Variants in MYO1D observed in about 807,000 individuals in gnomAD.
MYO1D encodes the protein myosin ID.
In MYO1D, 83 loss-of-function variants were observed where a neutral mutation model predicts 122.0. The observed-to-expected ratio is 0.68, with a 90% confidence interval of 0.57 to 0.82. The LOEUF (loss-of-function observed/expected upper bound fraction) is 0.82. MYO1D is among the 40% of genes least tolerant of loss of function. The pLI is 0.00. For synonymous variants in MYO1D, 464 were observed against 446.9 expected (o/e 1.04, Z -0.48); for missense variants, 1,157 against 1,269.5 (o/e 0.91, Z 1.35).
chr17:32,743,473 C>T (rs2089795194), intron 13 of MYO1D, among the ~76,000 whole-genome samples: 1 of 152,066 alleles, frequency 6.6e-6, no homozygotes, highest in South Asian at 2.1e-4. Context: ...CTTTGATTTC[C>T]GTCTTCCTCT....
At chr17:32,852,267 G>T (rs772385977) in intron 1 of MYO1D, among the ~76,000 whole-genome samples, 1 of 151,998 alleles carries the variant, frequency 6.6e-6, no homozygotes, top group Non-Finnish European at 1.5e-5. Context: ...CTGGGACTAC[G>T]GGCACATGCT....
intron 1 of MYO1D, among the ~76,000 whole-genome samples, chr17:32,867,701 G>A (rs1276569937): frequency 1.3e-5 from 2 of 150,628 alleles, no homozygotes; most frequent in Admixed American, 6.6e-5. Context: ...GGAGGCTGAG[G>A]TAGGAGAACT....
Position 32,638,653 on chromosome 17 carries a change from T to C in MYO1D, c.2709+69A>G, listed in dbSNP as rs192327722. ...CCCAAAGATTCTAGAACTCAGTCTA[T>C]TGACCCATTAGTGGTCCATGAGCAC... On this transcript the variant is annotated intron_variant, in intron 20 of 21. Coordinates refer to ENST00000318217, the MANE Select transcript of MYO1D (RefSeq NM_015194.3). 163 of 1,022,004 alleles carry C rather than the reference T, an allele frequency of 1.6e-4. 1 individual carries two copies. In the Admixed American group the frequency reaches 2.8e-3, roughly 18 times the overall value. The allele number at this position is 1,022,004 out of a possible 1,614,324, so 63.3% of individuals were successfully genotyped here. A position where few individuals can be genotyped will look rare whatever the true frequency, so the allele number is the denominator to read the frequency against.
intron 16 of MYO1D, among the ~76,000 whole-genome samples, chr17:32,660,771 C>T (rs1205258366): frequency 1.3e-5 from 2 of 152,196 alleles, no homozygotes; most frequent in East Asian, 1.9e-4. Context: ...GTCAAAATGG[C>T]TCCCTTCCTT....
chr17:32,676,021 A>T (rs555276414), intron 16 of MYO1D, among the ~76,000 whole-genome samples: 2 of 152,138 alleles, frequency 1.3e-5, no homozygotes, highest in African/African-American at 4.8e-5. Flanking sequence ...CAGTTAACCA[A>T]TCCCCTATTG....
intron 15 of MYO1D, among the ~76,000 whole-genome samples, chr17:32,713,086 A>G (rs2089399103): frequency 6.6e-6 from 1 of 152,206 alleles, no homozygotes. Context: ...TTCTTATATT[A>G]CATCTAAATT....
chr17:32,821,215 T>C (rs1011210858), intron 1 of MYO1D, among the ~76,000 whole-genome samples: 9 of 152,182 alleles, frequency 5.9e-5, no homozygotes, highest in African/African-American at 2.2e-4. Context: ...TCATTCTTTT[T>C]TATGACTGGA....
intron 20 of MYO1D, among the ~76,000 whole-genome samples, chr17:32,615,229 G>T (rs2087756224): frequency 1.3e-5 from 2 of 152,204 alleles, no homozygotes; most frequent in South Asian, 4.1e-4. Flanking sequence ...GAAAGGTTCT[G>T]AGAGACTGTT....
intron 16 of MYO1D, among the ~76,000 whole-genome samples, chr17:32,690,186 T>C (rs996995906): frequency 7.1e-6 from 1 of 140,436 alleles, no homozygotes; most frequent in African/African-American, 2.6e-5. Flanking sequence ...AGTGTTTATC[T>C]TTTTTTTTTT....
intron 1 of MYO1D, among the ~76,000 whole-genome samples, chr17:32,850,214 A>G (rs1467227795): frequency 6.6e-6 from 1 of 152,204 alleles, no homozygotes; most frequent in African/African-American, 2.4e-5. Context: ...ATCCTTTAAA[A>G]CTGATGTCAC....
At chr17:32,692,696 G>A (rs964031535) in intron 16 of MYO1D, among the ~76,000 whole-genome samples, 23 of 152,156 alleles carry the variant, frequency 1.5e-4, no homozygotes, top group African/African-American at 5.6e-4. Flanking sequence ...GGACAGCCGG[G>A]CAACAGGGGC....
chr17:32,766,802 C>CAAAACAAAAAA (rs61293953), intron 7 of MYO1D, among the ~76,000 whole-genome samples: 137,705 of 150,254 alleles, frequency 0.92, 63,289 homozygotes, highest in African/African-American at 0.96. Context: ...AAAAAGAAAA[C>CAAAACAAAAAA]AAAACAACAA....
intron 4 of MYO1D, 95 bp from the exon 5 acceptor site, chr17:32,772,937 C>T: frequency 1.1e-6 from 1 of 919,236 alleles, no homozygotes. Flanking sequence ...CCTCTGAGCC[C>T]AAGCCTGCAC....
intron 16 of MYO1D, among the ~76,000 whole-genome samples, chr17:32,663,109 G>A (rs1353474051): frequency 6.6e-6 from 1 of 151,996 alleles, no homozygotes; most frequent in Non-Finnish European, 1.5e-5. Context: ...AGTAGAGACG[G>A]GGTTTCACTG....
intron 21 of MYO1D, among the ~76,000 whole-genome samples, chr17:32,592,524 T>C (rs2087447680): frequency 6.6e-6 from 1 of 152,222 alleles, no homozygotes; most frequent in Non-Finnish European, 1.5e-5. Context: ...CTTTAGTCAA[T>C]TTGGTATTTA....
intron 1 of MYO1D, among the ~76,000 whole-genome samples, chr17:32,825,288 T>C (rs1440397649): frequency 6.6e-6 from 1 of 152,160 alleles, no homozygotes. Flanking sequence ...TTTTTCTTTA[T>C]CTTATTTTAT....
intron 13 of MYO1D, 145 bp downstream of exon 13, chr17:32,745,066 T>A (rs779145461): frequency 8.6e-6 from 5 of 582,980 alleles, no homozygotes; most frequent in Non-Finnish European, 1.5e-5. Flanking sequence ...ATCAAGTTAG[T>A]TATATGCTAT....
chr17:32,663,879 T>A (rs1476237391), intron 16 of MYO1D, among the ~76,000 whole-genome samples: 1 of 152,226 alleles, frequency 6.6e-6, no homozygotes, highest in Non-Finnish European at 1.5e-5. Context: ...ATCGATTTTT[T>A]AAAAGCATCT....
At chr17:32,874,813 A>T (rs571421069) in intron 1 of MYO1D, among the ~76,000 whole-genome samples, 1 of 152,142 alleles carries the variant, frequency 6.6e-6, no homozygotes, top group South Asian at 2.1e-4. Flanking sequence ...TCTTCTGTAC[A>T]CATAGGAGTT....
Sources: allele counts gnomAD v4.1 joint callset (sites outside exome capture counted in the v4.1 genomes callset), GRCh38; gene constraint gnomAD v4.1.1; transcripts MANE v1.5; gene names NCBI Gene and HGNC (gene_info 2026-07-23, HGNC 2026-07-21).